Variants in SLC68A1 observed in about 807,000 individuals in gnomAD.
The protein encoded by SLC68A1 is solute carrier family 68 member 1.
chr10:102,469,004 C>T, the SLC68A1 span: 154 of 1,599,646 alleles, frequency 9.6e-5, no homozygotes, highest in African/African-American at 1.9e-3. Flanking sequence ...CCCGGTGCTC[C>T]TGGGGCTAAG....
the SLC68A1 span, among the ~76,000 whole-genome samples, chr10:102,466,694 TGGCTGGGGGA>T: frequency 6.6e-6 from 1 of 151,860 alleles, no homozygotes; most frequent in African/African-American, 2.4e-5. Context: ...TGCAGGGAGG[TGGCTGGGGGA>T]GGCTGGGGAC....
chr10:102,472,273 TTTTC>T, the SLC68A1 span: 4 of 293,670 alleles, frequency 1.4e-5, no homozygotes, highest in Non-Finnish European at 2.7e-5. Context: ...ATGTGTTTTC[TTTTC>T]TTTTTTTTTT....
At chr10:102,470,671 C>T in the SLC68A1 span, 16 of 1,607,408 alleles carry the variant, frequency 1.0e-5, no homozygotes, top group South Asian at 1.2e-4. Flanking sequence ...GCAGGTCAGG[C>T]GCCGGGCTCT....
At chr10:102,473,634 C>T in the SLC68A1 span, 21 of 1,613,982 alleles carry the variant, frequency 1.3e-5, no homozygotes, top group African/African-American at 4.0e-5. Flanking sequence ...GGCGCTGGGG[C>T]GTCTACGCGG....
At chr10:102,472,426 C>T in the SLC68A1 span, among the ~76,000 whole-genome samples, 1 of 152,066 alleles carries the variant, frequency 6.6e-6, no homozygotes. Flanking sequence ...CAACACCCGA[C>T]TAAGTTTTTA....
the SLC68A1 span, among the ~76,000 whole-genome samples, chr10:102,469,472 T>C: frequency 6.6e-6 from 1 of 152,110 alleles, no homozygotes; most frequent in African/African-American, 2.4e-5. Context: ...ATTTATCAGC[T>C]GCATACATTT....
At chr10:102,462,660 T>C in the SLC68A1 span, among the ~76,000 whole-genome samples, 7 of 152,092 alleles carry the variant, frequency 4.6e-5, no homozygotes, top group Non-Finnish European at 7.4e-5. Flanking sequence ...AGAGGGCTTC[T>C]TCCAAACAGA....
At chr10:102,463,235 C>T in the SLC68A1 span, among the ~76,000 whole-genome samples, 1 of 149,660 alleles carries the variant, frequency 6.7e-6, no homozygotes, top group African/African-American at 2.5e-5. Context: ...TGCAGTGGCG[C>T]GATTTCGGCT....
At chr10:102,464,429 C>T in the SLC68A1 span, among the ~76,000 whole-genome samples, 2 of 150,244 alleles carry the variant, frequency 1.3e-5, no homozygotes, top group African/African-American at 4.9e-5. Context: ...CTAGCCTGGG[C>T]GACAGAGTGA....
At chr10:102,476,893 C>T in the SLC68A1 span, 2 of 985,534 alleles carry the variant, frequency 2.0e-6, no homozygotes, top group Non-Finnish European at 2.4e-6. Context: ...ACTCCGTCCA[C>T]CCTTCTAGTG....
At chr10:102,474,711 G>A in the SLC68A1 span, among the ~76,000 whole-genome samples, 2 of 152,068 alleles carry the variant, frequency 1.3e-5, no homozygotes, top group Non-Finnish European at 1.5e-5. Flanking sequence ...GCAGTGGCAC[G>A]ATCTTGGCTC....
chr10:102,475,068 G>C, the SLC68A1 span, among the ~76,000 whole-genome samples: 1 of 151,906 alleles, frequency 6.6e-6, no homozygotes, highest in East Asian at 1.9e-4. Context: ...GAGGAGGGCA[G>C]ATCACCTGAG....
At chr10:102,463,023 C>T in the SLC68A1 span, among the ~76,000 whole-genome samples, 1 of 152,134 alleles carries the variant, frequency 6.6e-6, no homozygotes, top group Non-Finnish European at 1.5e-5. Context: ...TTTCCTATGA[C>T]TGCTGCTGCT....
the SLC68A1 span, chr10:102,473,737 G>T: frequency 3.7e-6 from 6 of 1,612,448 alleles, no homozygotes; most frequent in Non-Finnish European, 5.1e-6. Flanking sequence ...CCTCTTCATT[G>T]CCAGGTATGC....
At chr10:102,473,003 T>C in the SLC68A1 span, 2 of 1,378,816 alleles carry the variant, frequency 1.5e-6, no homozygotes, top group African/African-American at 2.9e-5. Context: ...GAGACCTGTA[T>C]TTTTAGTAGA....
the SLC68A1 span, chr10:102,470,546 C>T: frequency 6.8e-7 from 1 of 1,474,294 alleles, no homozygotes; most frequent in Admixed American, 2.2e-5. Flanking sequence ...ACAGTGGCAC[C>T]ACCCTGTTGT....
the SLC68A1 span, among the ~76,000 whole-genome samples, chr10:102,475,210 C>T: frequency 2.0e-5 from 3 of 151,908 alleles, no homozygotes; most frequent in Non-Finnish European, 4.4e-5. Flanking sequence ...GCAGGAGAAT[C>T]GCTTGAAACT....
the SLC68A1 span, chr10:102,472,009 C>G: frequency 2.2e-6 from 1 of 455,516 alleles, no homozygotes; most frequent in Non-Finnish European, 4.4e-6. Context: ...TTTAAGACAG[C>G]AACCACTGCC....
At chr10:102,465,607 A>C in the SLC68A1 span, among the ~76,000 whole-genome samples, 1 of 152,090 alleles carries the variant, frequency 6.6e-6, no homozygotes, top group African/African-American at 2.4e-5. Context: ...ACCAGCTGGG[A>C]CCATGAGGGT....
Sources: allele counts gnomAD v4.1 joint callset (sites outside exome capture counted in the v4.1 genomes callset), GRCh38; gene constraint gnomAD v4.1.1; transcripts MANE v1.5; gene names NCBI Gene and HGNC (gene_info 2026-07-23, HGNC 2026-07-21).